The following LGR4 variants were observed in gnomAD, a reference collection of about 807,000 sequenced individuals.
LGR4 encodes the protein leucine rich repeat containing G protein-coupled receptor 4, also known as leucine-rich repeat-containing G protein-coupled receptor 4.
Under a neutral mutation model 84.8 loss-of-function variants are expected in LGR4, and 44 were observed. The observed-to-expected ratio is 0.52, with a 90% CI of 0.41 to 0.67. The LOEUF (loss-of-function observed/expected upper bound fraction) is 0.67. Among genes scored for constraint, LGR4 ranks in the 30% least tolerant of loss-of-function variants. The pLI is 0.00. For synonymous variants in LGR4, 429 were observed against 434.3 expected (o/e 0.99, Z 0.15); for missense variants, 1,032 against 1,131.4 (o/e 0.91, Z 1.26).
intron 16 of LGR4, 98 bp downstream of exon 16, chr11:27,372,185 C>T: frequency 1.2e-6 from 1 of 802,292 alleles, no homozygotes; most frequent in Non-Finnish European, 2.1e-6. Flanking sequence ...ATTTTTCTCA[C>T]AGATTTCCTA....
intron 16 of LGR4, 83 bp downstream of exon 16, chr11:27,372,200 T>C (rs748706958): frequency 1.5e-5 from 13 of 858,558 alleles, no homozygotes; most frequent in African/African-American, 3.3e-5. Context: ...TTCCTATTGA[T>C]CATTCACAAA....
At chr11:27,441,083 T>C (rs990937085) in intron 1 of LGR4, among the ~76,000 whole-genome samples, 3 of 151,652 alleles carry the variant, frequency 2.0e-5, no homozygotes, top group African/African-American at 7.3e-5. Flanking sequence ...CCCAGAGGAG[T>C]CTTACCTAAA....
chr11:27,389,497 C>T (rs891307741), intron 4 of LGR4, among the ~76,000 whole-genome samples: 3 of 152,168 alleles, frequency 2.0e-5, no homozygotes, highest in Non-Finnish European at 4.4e-5. Context: ...ATGTCTCGTA[C>T]TTTAATGTAC....
chr11:27,384,409 T>C lies in LGR4; in HGVS notation c.618-2A>G. On this transcript the variant is annotated splice_acceptor_variant, in intron 5 of 17. Coordinates refer to ENST00000379214, the MANE Select transcript of LGR4 (RefSeq NM_018490.5). LOFTEE classifies it high-confidence loss of function. The stretch of plus-strand genomic sequence containing the variant: ...CTAATTTTATTGTTATGAAGATGCC[T>C]AAGGGGGAAAAAAAGCATAAAATGA... 2 of 1,602,006 alleles carry C rather than the reference T, an allele frequency of 1.2e-6. No homozygotes were observed. The highest frequency in any genetic ancestry group is 1.7e-6 in the Non-Finnish European group (2 of 1,170,856).
rs148530007 is a variant in LGR4 at position 27,435,411 on chromosome 11, G to A, written c.186-22551C>T. 1.1e-3 allele frequency among the ~76,000 whole-genome samples: 173 copies of A among 151,816 alleles called. 2 individuals carry two copies. Among genetic ancestry groups the A allele is most frequent in the African/African-American group, 3.9e-3 (161 of 41,426 alleles). ...TGCTACTAGACAGAGTCTCTTAAAT[G>A]ATCAAATTCTAATGATGGTATTATC... On this transcript the variant is annotated intron_variant, in intron 1 of 17. Transcript: ENST00000379214.
chr11:27,458,621 C>A (rs985538872), intron 1 of LGR4, among the ~76,000 whole-genome samples: 23 of 152,008 alleles, frequency 1.5e-4, no homozygotes, highest in African/African-American at 5.3e-4. Flanking sequence ...TTACTACAAC[C>A]TTTGCCTCCC....
chr11:27,368,009 T>A lies in LGR4; in HGVS notation c.2714A>T (p.His905Leu). Residue 905 changes from histidine (H) to leucine (L), a missense_variant, in exon 18 of 18, where the codon CAC (histidine) becomes CTC (leucine). Transcript: ENST00000379214. Reference sequence around the variant, plus strand: ...ATCTTCTTCATCTGCATAATCAGAGTGGGCCGACTGTGTGCCACAGTCGGA... The same window carrying A: ...ATCTTCTTCATCTGCATAATCAGAGAGGGCCGACTGTGTGCCACAGTCGGA... ...YWSDCGTQSAHSDYADEEDSF... is the reference protein window; with the variant it reads ...YWSDCGTQSALSDYADEEDSF... The A allele has an allele frequency of 6.2e-7, 1 of 1,614,052 alleles. No individual in the cohort carries two copies. Among genetic ancestry groups the A allele is most frequent in the Non-Finnish European group, 8.5e-7 (1 of 1,179,974 alleles).
Position 27,413,748 on chromosome 11 carries a change from G to A in LGR4, c.186-888C>T, listed in dbSNP as rs138147530. 4.0e-3 allele frequency among the ~76,000 whole-genome samples: 612 copies of A among 152,228 alleles called. 3 individuals carry two copies. The highest frequency in any genetic ancestry group is 0.013 in the African/African-American group (521 of 41,540). ...GCATGAAACTTCACATGTAGGACAT[G>A]TCCATTAGTATAGTACATATATTGG... On this transcript the variant is annotated intron_variant, in intron 1 of 17. Coordinates refer to ENST00000379214, the MANE Select transcript of LGR4 (RefSeq NM_018490.5).
chr11:27,429,212 C>T (rs1374618028), intron 1 of LGR4, among the ~76,000 whole-genome samples: 3 of 152,008 alleles, frequency 2.0e-5, no homozygotes, highest in Non-Finnish European at 4.4e-5. Context: ...AGGCCAGGCA[C>T]GGTGGTTCAC....
chr11:27,412,430 C>T (rs1258001655), intron 2 of LGR4, among the ~76,000 whole-genome samples: 1 of 152,066 alleles, frequency 6.6e-6, no homozygotes, highest in African/African-American at 2.4e-5. Context: ...GGTTCTGTTA[C>T]CCATATAGCA....
At chr11:27,388,941 G>C (rs949966758) in intron 4 of LGR4, among the ~76,000 whole-genome samples, 1 of 152,050 alleles carries the variant, frequency 6.6e-6, no homozygotes. Context: ...TTAACTTTAT[G>C]GGAGGCAATT....
At chr11:27,387,190 G>A (rs1042097159) in intron 4 of LGR4, among the ~76,000 whole-genome samples, 3 of 152,100 alleles carry the variant, frequency 2.0e-5, no homozygotes, top group Non-Finnish European at 4.4e-5. Flanking sequence ...TTCACTCAAC[G>A]CAGTTAAATT....
intron 7 of LGR4, among the ~76,000 whole-genome samples, chr11:27,381,266 C>T (rs1863087124): frequency 6.6e-6 from 1 of 152,146 alleles, no homozygotes; most frequent in South Asian, 2.1e-4. Flanking sequence ...ACCTCAAAAT[C>T]TCTCTCACTG....
Position 27,472,126 on chromosome 11 carries a change from G to T in LGR4, c.177C>A (p.Thr59=), listed in dbSNP as rs1163888066. 2 of 1,368,450 alleles carry T rather than the reference G, an allele frequency of 1.5e-6. No individual in the cohort carries two copies. The highest frequency in any genetic ancestry group is 1.5e-5 in the African/African-American group (1 of 65,024). 84.8% of individuals were successfully genotyped at this position (1,368,450 alleles called of 1,614,324 possible). A position where few individuals can be genotyped will look rare whatever the true frequency, so the allele number is the denominator to read the frequency against. The part of the protein sequence containing the change: ...TAVPEGLSAF[T]QALDISMNNI... ...CCGCCGCCCGCACTCACAGCGCTTGGGTGAAGGCGCTGAGCCCCTCGGGCA... is the reference window on the plus strand; with the variant it reads ...CCGCCGCCCGCACTCACAGCGCTTGTGTGAAGGCGCTGAGCCCCTCGGGCA... The change falls in exon 1 of 18, where the codon ACC becomes ACA. Residue 59 remains threonine, a synonymous_variant. Coordinates refer to ENST00000379214, the MANE Select transcript of LGR4 (RefSeq NM_018490.5).
At position 27,367,292 on chromosome 11, in the gene LGR4, A is replaced by G. The variant is rs890770461; in HGVS notation, c.*575T>C. 2 of 152,620 alleles carry G rather than the reference A, an allele frequency of 1.3e-5. No homozygotes were observed. Among genetic ancestry groups the G allele is most frequent in the African/African-American group, 4.8e-5 (2 of 41,464 alleles). The allele number at this position is 152,620 out of a possible 1,614,324, so 9.5% of individuals were successfully genotyped here. On this transcript the variant is annotated 3_prime_UTR_variant, in exon 18 of 18. Transcript: ENST00000379214. Reference sequence around the variant, plus strand: ...ACATCTTCAGGTTTTAGATTTATAAATTGCTTAAACAAAATTTATAGTTCT... The same window carrying G: ...ACATCTTCAGGTTTTAGATTTATAAGTTGCTTAAACAAAATTTATAGTTCT...
At chr11:27,385,702 A>G (rs1159668385) in intron 4 of LGR4, among the ~76,000 whole-genome samples, 4 of 152,098 alleles carry the variant, frequency 2.6e-5, no homozygotes, top group African/African-American at 9.7e-5. Flanking sequence ...ATATTCTTCA[A>G]CTATCTTTGG....
intron 1 of LGR4, among the ~76,000 whole-genome samples, chr11:27,466,462 A>G (rs1864779506): frequency 1.3e-5 from 2 of 152,206 alleles, no homozygotes; most frequent in African/African-American, 4.8e-5. Context: ...CCAAAATCCA[A>G]ACTTGCAGGC....
At chr11:27,374,837 A>G (rs1862945426) in intron 13 of LGR4, among the ~76,000 whole-genome samples, 2 of 152,208 alleles carry the variant, frequency 1.3e-5, no homozygotes, top group African/African-American at 4.8e-5. Flanking sequence ...ACACAAAGTT[A>G]GTCCACAACT....
At chr11:27,456,287 A>G (rs1490518693) in intron 1 of LGR4, among the ~76,000 whole-genome samples, 1 of 148,116 alleles carries the variant, frequency 6.8e-6, no homozygotes, top group Non-Finnish European at 1.5e-5. Context: ...TAAAACATTA[A>G]CAGCTTAATA....
Sources: allele counts gnomAD v4.1 joint callset (sites outside exome capture counted in the v4.1 genomes callset), GRCh38; gene constraint gnomAD v4.1.1; transcripts MANE v1.5; gene names NCBI Gene and HGNC (gene_info 2026-07-23, HGNC 2026-07-21).